Variants in MRPL44 observed in about 807,000 individuals in gnomAD.
MRPL44 encodes large ribosomal subunit protein mL44.
In MRPL44, 21 loss-of-function variants were observed where a neutral mutation model predicts 25.9. That is an observed-to-expected ratio of 0.81 (90% CI 0.58 to 1.17). The LOEUF is 1.17. Ranked by LOEUF, MRPL44 falls within the 50% of genes most tolerant of loss-of-function variation. The pLI, the probability that MRPL44 is intolerant of heterozygous loss-of-function variation, is 0.00. For synonymous variants in MRPL44, 169 were observed against 151.0 expected (o/e 1.12, Z -0.87); for missense variants, 410 against 398.9 (o/e 1.03, Z -0.24).
chr2:223,963,120 T>A (rs781642881), intron 2 of MRPL44, among the ~76,000 whole-genome samples: 1 of 152,174 alleles, frequency 6.6e-6, no homozygotes, highest in Non-Finnish European at 1.5e-5. Flanking sequence ...TTAAATAATT[T>A]TTTTCTTACT....
chr2:223,963,658 G>T (rs1689698588), intron 2 of MRPL44, 98 bp from the exon 3 acceptor site: 1 of 714,034 alleles, frequency 1.4e-6, no homozygotes, highest in Non-Finnish European at 2.0e-6. Flanking sequence ...AATGTACTCT[G>T]TGGCTTCTCT....
At position 223,959,600 on chromosome 2, in the gene MRPL44, C is replaced by T; in HGVS notation, c.246C>T (p.Asn82=). The T allele has an allele frequency of 1.2e-6, 2 of 1,614,078 alleles. No individual in the cohort carries two copies. Among genetic ancestry groups the T allele is most frequent in the Non-Finnish European group, 1.7e-6 (2 of 1,179,990 alleles). ...CTTTTGGACATCGGTTACAGGAAAA[C>T]TTTTCCTTAGATCTTCTCAAAACTG... ...IQAFGHRLQE[N]FSLDLLKTAF... The change falls in exon 2 of 4, where the codon AAC becomes AAT. Residue 82 remains asparagine (N), a synonymous_variant. Transcript: ENST00000258383.
At chr2:223,964,857 T>G (rs1335489469) in intron 3 of MRPL44, among the ~76,000 whole-genome samples, 1 of 152,204 alleles carries the variant, frequency 6.6e-6, no homozygotes, top group Non-Finnish European at 1.5e-5. Context: ...CTCCATACTT[T>G]GAACAGTTGC....
In MRPL44 at chr2:223,963,914, G is replaced by C; in HGVS notation, c.807G>C (p.Leu269Phe). 1 of 1,612,642 alleles carries C rather than the reference G, an allele frequency of 6.2e-7. No homozygotes were observed. ...RQSGGTTALP[L>F]YFVGLYCDKK... The stretch of plus-strand genomic sequence containing the variant: ...CTGGTGGCACCACAGCTTTGCCTTT[G>C]TATTTTGTTGGCTTATACTGGTTAG... The change falls in exon 3 of 4, where the codon TTG becomes TTC. Residue 269 changes from leucine (L) to phenylalanine (F), a missense_variant. Leu to Phe is a conservative substitution (Grantham distance 22). Coordinates refer to ENST00000258383, the MANE Select transcript of MRPL44 (RefSeq NM_022915.5).
intron 1 of MRPL44, among the ~76,000 whole-genome samples, chr2:223,959,091 A>C (rs1411578444): frequency 6.6e-6 from 1 of 152,242 alleles, no homozygotes; most frequent in South Asian, 2.1e-4. Context: ...TTCAGTATCC[A>C]GGAGAGTCCT....
At position 223,967,142 on chromosome 2, in the gene MRPL44, C is replaced by T; in HGVS notation, c.*108C>T. ...TTGTGAAGAAATAGATGTTTTGTTT[C>T]TGTTTTTTACTGTGTTCCCAAAATT... On this transcript the variant is annotated 3_prime_UTR_variant, in exon 4 of 4. Transcript: ENST00000258383. The T allele has an allele frequency of 1.9e-6, 2 of 1,054,802 alleles. No individual in the cohort carries two copies. The highest frequency in any genetic ancestry group is 2.0e-5 in the South Asian group (1 of 49,494). 65.3% of individuals were successfully genotyped at this position (1,054,802 alleles called of 1,614,324 possible).
At chr2:223,963,423 C>A (rs111989224) in intron 2 of MRPL44, among the ~76,000 whole-genome samples, 1 of 151,068 alleles carries the variant, frequency 6.6e-6, no homozygotes, top group East Asian at 1.9e-4. Flanking sequence ...CTAGCCTAGG[C>A]AATAGAGTGA....
intron 2 of MRPL44, among the ~76,000 whole-genome samples, chr2:223,960,435 C>T (rs1413376727): frequency 1.3e-5 from 2 of 152,190 alleles, no homozygotes; most frequent in Non-Finnish European, 2.9e-5. Flanking sequence ...TAGCTAGTGG[C>T]TTAGCTAATT....
chr2:223,966,870 A>T lies in MRPL44; in HGVS notation c.835A>T (p.Lys279Ter). 1 of 1,612,002 alleles carries T rather than the reference A, an allele frequency of 6.2e-7. No homozygotes were observed. The change falls in exon 4 of 4, where the codon AAG becomes TAG. Residue 279 changes from lysine to a stop codon, truncating the protein, a stop_gained. Transcript: ENST00000258383. LOFTEE classifies it high-confidence loss of function. ...TGTTTGTTCTCTTTCTAGTGATAAA[A>T]AGTTGATTGCAGAAGGACCTGGGGA... ...LYFVGLYCDK[K>*]LIAEGPGETV...
intron 2 of MRPL44, among the ~76,000 whole-genome samples, chr2:223,963,105 A>C (rs1689688354): frequency 6.6e-6 from 1 of 152,146 alleles, no homozygotes; most frequent in South Asian, 2.1e-4. Context: ...TTATTCGTTA[A>C]TTCTTTAAAT....
At chr2:223,966,235 C>CA (rs35614150) in intron 3 of MRPL44, among the ~76,000 whole-genome samples, 39 of 123,660 alleles carry the variant, frequency 3.2e-4, no homozygotes, top group East Asian at 2.7e-3. Flanking sequence ...GACTCAGTCT[C>CA]AAAAAAAAAA....
chr2:223,961,428 C>T (rs1308719859), intron 2 of MRPL44, among the ~76,000 whole-genome samples: 1 of 152,164 alleles, frequency 6.6e-6, no homozygotes, highest in Non-Finnish European at 1.5e-5. Flanking sequence ...AACAGTATTA[C>T]TAAGAAAGTG....
In MRPL44 at chr2:223,967,042, G is replaced by A; in HGVS notation, c.*8G>A. The A allele has an allele frequency of 6.3e-7, 1 of 1,592,188 alleles. No homozygotes were observed. Among genetic ancestry groups the A allele is most frequent in the Middle Eastern group, 1.7e-4 (1 of 5,742 alleles). ...AGCATCACTGCCAGCTAGCCGCCAT[G>A]GATGCAGCAGCCTGAAACTTGAGAG... On this transcript the variant is annotated 3_prime_UTR_variant, in exon 4 of 4. Coordinates refer to ENST00000258383, the MANE Select transcript of MRPL44 (RefSeq NM_022915.5).
chr2:223,966,235 CAAA>C (rs35614150), intron 3 of MRPL44, among the ~76,000 whole-genome samples: 25 of 123,674 alleles, frequency 2.0e-4, no homozygotes, highest in Admixed American at 2.4e-4. Flanking sequence ...GACTCAGTCT[CAAA>C]AAAAAAAAAA....
Position 223,959,538 on chromosome 2 carries a change from G to C in MRPL44, c.184G>C (p.Glu62Gln), listed in dbSNP as rs1689622918. ...RCPPPPVRRSEKPNWDYHAEI... is the reference protein window; with the variant it reads ...RCPPPPVRRSQKPNWDYHAEI... Reference sequence around the variant, plus strand: ...TTACTGTCTTTACATTTTCAGTTCAGAGAAGCCGAACTGGGATTACCATGC... The same window carrying C: ...TTACTGTCTTTACATTTTCAGTTCACAGAAGCCGAACTGGGATTACCATGC... The change falls in exon 2 of 4, where the codon GAG becomes CAG. Residue 62 changes from glutamate to glutamine, a missense_variant. Coordinates refer to ENST00000258383, the MANE Select transcript of MRPL44 (RefSeq NM_022915.5). 1.9e-6 allele frequency: 3 copies of C among 1,603,892 alleles called. No homozygotes were observed. Among genetic ancestry groups the C allele is most frequent in the Non-Finnish European group, 2.6e-6 (3 of 1,175,796 alleles).
upstream of MRPL44, chr2:223,957,445 TCC>T: frequency 3.7e-6 from 6 of 1,614,008 alleles, no homozygotes; most frequent in Non-Finnish European, 5.1e-6. Flanking sequence ...CTACTTTCGT[TCC>T]GTCTTCCATC....
intron 2 of MRPL44, 52 bp downstream of exon 2, chr2:223,960,054 C>G (rs1467500650): frequency 1.4e-6 from 2 of 1,394,244 alleles, no homozygotes; most frequent in South Asian, 1.3e-5. Context: ...GGAAAATATT[C>G]TTTTGTAATT....
At chr2:223,960,045 G>GA in intron 2 of MRPL44, 43 bp downstream of exon 2, 1 of 1,430,408 alleles carries the variant, frequency 7.0e-7, no homozygotes, top group Non-Finnish European at 9.5e-7. Flanking sequence ...AGACAGAAGG[G>GA]AAAATATTCT....
chr2:223,959,246 A>G (rs187524988), intron 1 of MRPL44, among the ~76,000 whole-genome samples: 2 of 152,358 alleles, frequency 1.3e-5, no homozygotes, highest in East Asian at 1.9e-4. Flanking sequence ...TAAGGAACCT[A>G]AAAGTTAGGC....
Sources: gnomAD v4.1 joint callset for allele counts (sites outside exome capture counted in the v4.1 genomes callset) on GRCh38, gnomAD v4.1.1 for gene constraint, MANE v1.5 for transcripts, NCBI Gene and HGNC (gene_info 2026-07-23, HGNC 2026-07-21) for gene names.